Variants in ZFYVE26 observed in about 807,000 individuals in gnomAD.
The protein encoded by ZFYVE26 is zinc finger FYVE-type containing 26.
Under a neutral mutation model 276.5 loss-of-function variants are expected in ZFYVE26, and 181 were observed. The observed-to-expected ratio is 0.65, with a 90% CI of 0.58 to 0.74. The LOEUF (loss-of-function observed/expected upper bound fraction) is 0.74. Ranked by LOEUF, ZFYVE26 falls within the 30% of genes least tolerant of loss-of-function variation. ZFYVE26 has a pLI of 0.00. For missense variants in ZFYVE26, 2,821 were observed against 3,097.9 expected (o/e 0.91, Z 2.12); for synonymous variants, 1,129 against 1,203.1 (o/e 0.94, Z 1.27).
rs1339756314 is a variant in ZFYVE26 at position 67,790,646 on chromosome 14, G to A, written c.2681C>T (p.Ala894Val). Residue 894 changes from alanine to valine, a missense_variant, in exon 15 of 42, where the codon GCG (alanine) becomes GTG (valine). Coordinates refer to ENST00000347230, the MANE Select transcript of ZFYVE26 (RefSeq NM_015346.4). ...EHKIENQNSD[A>V]GSSTIRRTGS... ...AGTTCTCCGAATGGTGCTGCTACCC[G>A]CATCTGAGTTCTGGTTTTCAATCTT... is the stretch of plus-strand genomic sequence containing the variant. 6.2e-6 allele frequency: 10 copies of A among 1,614,154 alleles called. No individual in the cohort carries two copies. The highest frequency in any genetic ancestry group is 3.3e-5 in the South Asian group (3 of 91,084).
intron 3 of ZFYVE26, among the ~76,000 whole-genome samples, chr14:67,813,619 T>A (rs2040344303): frequency 6.6e-6 from 1 of 152,168 alleles, no homozygotes; most frequent in African/African-American, 2.4e-5. Flanking sequence ...TAAAATATGA[T>A]TTTTGGAAGA....
At chr14:67,781,787 A>C (rs1336373562) in intron 21 of ZFYVE26, among the ~76,000 whole-genome samples, 2 of 152,208 alleles carry the variant, frequency 1.3e-5, no homozygotes, top group Non-Finnish European at 2.9e-5. Flanking sequence ...AGAGAGGGAA[A>C]AGAGAAAGGA....
intron 35 of ZFYVE26, among the ~76,000 whole-genome samples, chr14:67,759,824 G>A (rs978024295): frequency 6.6e-6 from 1 of 152,002 alleles, no homozygotes; most frequent in Admixed American, 6.6e-5. Flanking sequence ...TTTTAGGGAG[G>A]GGAATAACAT....
In ZFYVE26 at chr14:67,783,471, G is replaced by C. The variant is rs141264277; in HGVS notation, c.3681C>G (p.Ile1227Met). Residue 1227 changes from isoleucine (I) to methionine (M), a missense_variant, in exon 21 of 42, where the codon ATC becomes ATG. By Grantham distance (10) the Ile-to-Met change is conservative. Transcript: ENST00000347230. ...CAAGGGGCTCACAGCAGCAGCTGAC[G>C]ATGACCTGTGGCACACTTAGGCTGA... ...ENLSLSVPQV[I>M]VSCCCEPLAL... is the part of the protein sequence containing the mutation. 2.7e-5 allele frequency: 43 copies of C among 1,613,822 alleles called. No homozygotes were observed. The African/African-American group carries it at 4.7e-4, about 18-fold the overall frequency.
chr14:67,787,708 A>G (rs760200207), intron 16 of ZFYVE26, among the ~76,000 whole-genome samples: 1 of 152,234 alleles, frequency 6.6e-6, no homozygotes, highest in Non-Finnish European at 1.5e-5. Flanking sequence ...GATGAGGGGA[A>G]GAGCAGATCA....
chr14:67,731,368 C>G (rs772553624), intron 13 of ZFYVE26, among the ~76,000 whole-genome samples: 1 of 151,834 alleles, frequency 6.6e-6, no homozygotes, highest in Admixed American at 6.6e-5. Flanking sequence ...GTGCATGCCA[C>G]GACGCCCAGC....
intron 30 of ZFYVE26, 56 bp downstream of exon 30, chr14:67,768,461 T>TA (rs1181120297): frequency 1.3e-6 from 2 of 1,583,474 alleles, no homozygotes; most frequent in East Asian, 4.5e-5. Context: ...ATGCTGAAGA[T>TA]AGAGTCAACT....
intron 41 of ZFYVE26, among the ~76,000 whole-genome samples, chr14:67,749,310 G>A (rs552431899): frequency 2.6e-5 from 4 of 152,204 alleles, no homozygotes; most frequent in South Asian, 4.1e-4. Context: ...GGAAAAAGTC[G>A]AATTAACGTC....
In ZFYVE26 at chr14:67,747,167, A is replaced by G. The variant is rs567323029; in HGVS notation, c.*1269T>C. Reference sequence around the variant, plus strand: ...GGCCCCACATTTGCAAATTGAAGTCACTGAGTATGACACACCTTTTCTCAA... The same window carrying G: ...GGCCCCACATTTGCAAATTGAAGTCGCTGAGTATGACACACCTTTTCTCAA... On this transcript the variant is annotated 3_prime_UTR_variant, in exon 42 of 42. Transcript: ENST00000347230. 6.5e-6 allele frequency: 1 copy of G among 152,672 alleles called. No individual in the cohort carries two copies. Among genetic ancestry groups the G allele is most frequent in the South Asian group, 2.1e-4 (1 of 4,820 alleles). 9.5% of individuals were successfully genotyped at this position (152,672 alleles called of 1,614,324 possible).
rs2140223998 is a variant in ZFYVE26 at position 67,783,480 on chromosome 14, T to C, written c.3672A>G (p.Pro1224=). 3.7e-6 allele frequency: 6 copies of C among 1,613,860 alleles called. No individual in the cohort carries two copies. The highest frequency in any genetic ancestry group is 5.1e-6 in the Non-Finnish European group (6 of 1,180,026). Residue 1224 remains proline (P), a synonymous_variant, in exon 21 of 42, where the codon CCA becomes CCG. Coordinates refer to ENST00000347230, the MANE Select transcript of ZFYVE26 (RefSeq NM_015346.4). ...CACAGCAGCAGCTGACGATGACCTG[T>C]GGCACACTTAGGCTGAGATTCTCTT... ...LAQENLSLSV[P]QVIVSCCCEP...
At chr14:67,792,578 G>A (rs1422000768) in intron 14 of ZFYVE26, among the ~76,000 whole-genome samples, 1 of 152,078 alleles carries the variant, frequency 6.6e-6, no homozygotes, top group Non-Finnish European at 1.5e-5. Flanking sequence ...ATTCTAGTCT[G>A]CTAGCTCTCC....
intron 16 of ZFYVE26, 123 bp from the exon 17 acceptor site, chr14:67,786,356 A>G (rs2039659803): frequency 8.1e-7 from 1 of 1,241,290 alleles, no homozygotes; most frequent in East Asian, 2.6e-5. Context: ...GAGGAAATAC[A>G]TGCTGTGCCA....
intron 13 of ZFYVE26, chr14:67,733,935 C>CT: frequency 2.0e-6 from 2 of 992,390 alleles, no homozygotes; most frequent in Non-Finnish European, 3.2e-6. Context: ...AAGGATTGTC[C>CT]TCTTGGCCAG....
chr14:67,760,690 T>G (rs1358403483), intron 35 of ZFYVE26: 1 of 161,654 alleles, frequency 6.2e-6, no homozygotes, highest in East Asian at 1.8e-4. Flanking sequence ...ATCATGCCAC[T>G]GCATTCTAGC....
chr14:67,729,424 G>A, exon 14 of ZFYVE26: 1 of 1,567,194 alleles, frequency 6.4e-7, no homozygotes, highest in Non-Finnish European at 8.7e-7. Flanking sequence ...TGTGTGCATG[G>A]GAGGTGCCGG....
intron 1 of ZFYVE26, among the ~76,000 whole-genome samples, 161 bp downstream of exon 1, chr14:67,816,373 G>A (rs991233476): frequency 6.6e-6 from 1 of 152,156 alleles, no homozygotes; most frequent in African/African-American, 2.4e-5. Context: ...AAATTCAGCA[G>A]GAACCTCCCT....
intron 10 of ZFYVE26, chr14:67,799,388 G>A: frequency 6.2e-7 from 1 of 1,612,044 alleles, no homozygotes; most frequent in Non-Finnish European, 8.5e-7. Context: ...AAAGATGAAT[G>A]CAAGGAAAAG....
chr14:67,763,249 G>C (rs1186000033), intron 32 of ZFYVE26, among the ~76,000 whole-genome samples: 1 of 152,212 alleles, frequency 6.6e-6, no homozygotes, highest in East Asian at 1.9e-4. Context: ...GATGTCATGA[G>C]TGAAAGCTCT....
intron 32 of ZFYVE26, among the ~76,000 whole-genome samples, chr14:67,765,671 C>T (rs1476363620): frequency 1.3e-5 from 2 of 152,160 alleles, no homozygotes; most frequent in African/African-American, 4.8e-5. Flanking sequence ...TGTACAGGAA[C>T]CTGAGGGAGG....
Sources: allele counts gnomAD v4.1 joint callset (sites outside exome capture counted in the v4.1 genomes callset), GRCh38; gene constraint gnomAD v4.1.1; transcripts MANE v1.5; gene names NCBI Gene and HGNC (gene_info 2026-07-23, HGNC 2026-07-21).